Variants in DOCK2 observed in about 807,000 individuals in gnomAD.
DOCK2 encodes dedicator of cytokinesis 2.
DOCK2 carries 87 observed loss-of-function variants against 248.9 expected under a neutral mutation model. That is an observed-to-expected ratio of 0.35 (90% CI 0.29 to 0.42). The LOEUF is 0.42. DOCK2 is among the 10% of genes least tolerant of loss of function. DOCK2 has a pLI of 1.00. For missense variants in DOCK2, 1,747 were observed against 2,300.2 expected, an observed-to-expected ratio of 0.76 and a Z score of 4.92; for synonymous variants, 805 against 821.6, an observed-to-expected ratio of 0.98 and a Z score of 0.35.
chr5:169,810,374 G>A (rs144878592), intron 26 of DOCK2, among the ~76,000 whole-genome samples: 38 of 152,270 alleles, frequency 2.5e-4, no homozygotes, highest in African/African-American at 8.7e-4. Flanking sequence ...ATATGCGTGT[G>A]CATTTTGTCA....
At chr5:169,818,427 A>G (rs942771192) in intron 26 of DOCK2, among the ~76,000 whole-genome samples, 4 of 152,242 alleles carry the variant, frequency 2.6e-5, no homozygotes, top group Non-Finnish European at 4.4e-5. Context: ...CTTTGGAGAC[A>G]CATAGGCATG....
At chr5:169,648,171 T>C (rs933234684) in intron 1 of DOCK2, among the ~76,000 whole-genome samples, 3 of 152,180 alleles carry the variant, frequency 2.0e-5, no homozygotes, top group Admixed American at 2.0e-4. Context: ...ACCTTGTCAC[T>C]ATTGACATTG....
At chr5:169,686,498 G>T (rs979066702) in intron 8 of DOCK2, among the ~76,000 whole-genome samples, 1 of 152,184 alleles carries the variant, frequency 6.6e-6, no homozygotes, top group Admixed American at 6.5e-5. Context: ...GGAGGACAAA[G>T]GGGGCAGAAA....
At chr5:169,867,928 C>T (rs560366641) in intron 27 of DOCK2, among the ~76,000 whole-genome samples, 12 of 152,268 alleles carry the variant, frequency 7.9e-5, no homozygotes, top group African/African-American at 2.6e-4. Context: ...CTCTGATTCT[C>T]GCCCCTCTAG....
rs539873122 is a variant in DOCK2, at chr5:169,958,199, A to C, written c.2800-24869A>C. 5.4e-5 allele frequency among the ~76,000 whole-genome samples: 8 copies of C among 147,968 alleles called. No individual in the cohort carries two copies. The South Asian group carries it at 1.6e-3, about 29-fold the overall frequency. On this transcript the variant is annotated intron_variant, in intron 27 of 51. Transcript: ENST00000520908. Reference sequence around the variant, plus strand: ...GAGAAATGAGGGCCTGGCTAAATGGAACACAGATAATCTGGAAACTTTGTT... The same window carrying C: ...GAGAAATGAGGGCCTGGCTAAATGGCACACAGATAATCTGGAAACTTTGTT...
chr5:169,883,449 G>A (rs769641944), intron 27 of DOCK2: 66 of 1,551,578 alleles, frequency 4.3e-5, no homozygotes, highest in Non-Finnish European at 5.6e-5. Context: ...CCAACCTTAA[G>A]TAGGCAAGGT....
chr5:169,690,183 C>T (rs1760210001), intron 9 of DOCK2, among the ~76,000 whole-genome samples: 2 of 151,826 alleles, frequency 1.3e-5, no homozygotes, highest in Admixed American at 6.6e-5. Flanking sequence ...GCTGGAATTA[C>T]AGGTGTGAGC....
intron 27 of DOCK2, among the ~76,000 whole-genome samples, chr5:169,844,435 G>T (rs936391556): frequency 3.3e-5 from 5 of 152,198 alleles, no homozygotes; most frequent in African/African-American, 1.2e-4. Context: ...GGATGTTCAG[G>T]TTATCAGGGA....
chr5:169,690,052 A>ATTTT (rs530581976), intron 9 of DOCK2, among the ~76,000 whole-genome samples: 5 of 134,964 alleles, frequency 3.7e-5, no homozygotes, highest in African/African-American at 1.1e-4. Flanking sequence ...GAAGAGTGTG[A>ATTTT]TTTTTTTTTT....
intron 27 of DOCK2, chr5:169,884,214 C>T (rs948335841): frequency 1.4e-5 from 3 of 216,242 alleles, no homozygotes; most frequent in African/African-American, 6.8e-5. Flanking sequence ...GGCGGTTTAT[C>T]AAGGGAGGCT....
At chr5:169,778,956 G>T (rs1206065678) in intron 25 of DOCK2, among the ~76,000 whole-genome samples, 1 of 152,116 alleles carries the variant, frequency 6.6e-6, no homozygotes, top group Non-Finnish European at 1.5e-5. Context: ...TCTGTGCCTG[G>T]CTTATTTCAG....
At chr5:169,806,938 T>C (rs1290772157) in intron 26 of DOCK2, among the ~76,000 whole-genome samples, 2 of 140,736 alleles carry the variant, frequency 1.4e-5, no homozygotes, top group African/African-American at 5.2e-5. Context: ...CACCCTTCAA[T>C]GCCCCACGTA....
At chr5:169,741,905 G>T (rs1478841608) in intron 22 of DOCK2, among the ~76,000 whole-genome samples, 1 of 148,696 alleles carries the variant, frequency 6.7e-6, no homozygotes, top group Non-Finnish European at 1.5e-5. Flanking sequence ...TGCCTCCCGG[G>T]TTCACGCCAT....
Position 170,045,896 on chromosome 5 carries a change from C to T in DOCK2, c.3957C>T (p.Ser1319=). ...EMEIFDYELL[S]QNLIQQAKFY... is the part of the protein sequence containing the mutation. ...AGATCTTTGACTATGAGCTGCTCAG[C>T]CAGAACCTGGTAAGGCATCCCCTGG... Residue 1319 remains serine (S), a synonymous_variant, in exon 39 of 52, where the codon AGC becomes AGT. Coordinates refer to ENST00000520908, the MANE Select transcript of DOCK2 (RefSeq NM_004946.3). The T allele has an allele frequency of 6.2e-7, 1 of 1,614,136 alleles. No individual in the cohort carries two copies. The highest frequency in any genetic ancestry group is 1.3e-5 in the African/African-American group (1 of 75,046).
chr5:169,812,145 C>T (rs922683386), intron 26 of DOCK2, among the ~76,000 whole-genome samples: 3 of 152,182 alleles, frequency 2.0e-5, no homozygotes, highest in Non-Finnish European at 4.4e-5. Context: ...AGCTGGAGAG[C>T]GAGTAAAACT....
At chr5:169,944,989 CAA>C (rs913251314) in intron 27 of DOCK2, among the ~76,000 whole-genome samples, 22 of 152,220 alleles carry the variant, frequency 1.4e-4, no homozygotes, top group African/African-American at 4.1e-4. Context: ...GAATGGCTGG[CAA>C]ATACCTCTAG....
intron 27 of DOCK2, among the ~76,000 whole-genome samples, chr5:169,924,156 A>T (rs1191114916): frequency 6.6e-6 from 1 of 152,162 alleles, no homozygotes; most frequent in Non-Finnish European, 1.5e-5. Context: ...CTCCCTGCAC[A>T]GTGCCTGGAA....
At position 170,081,770 on chromosome 5, in the gene DOCK2, CT is replaced by C. The variant is rs1561913117; in HGVS notation, c.5288-71del. The C allele has an allele frequency of 2.9e-6, 4 of 1,370,220 alleles. No homozygotes were observed. In the African/African-American group the frequency reaches 4.4e-5, roughly 15 times the overall value. 84.9% of individuals were successfully genotyped at this position (1,370,220 alleles called of 1,614,324 possible). ...CTGGCTCTGTCCCCCAGCCCTCCCC[CT>C]GTCTACCTCCCCCAAGGCACTGCCC... is the stretch of plus-strand genomic sequence containing the variant. On this transcript the variant is annotated intron_variant, in intron 50 of 51. Coordinates refer to ENST00000520908, the MANE Select transcript of DOCK2 (RefSeq NM_004946.3).
rs4867882 is a variant in DOCK2 at position 169,722,722 on chromosome 5, T to C, written c.2267+3931T>C. 3.4e-3 allele frequency among the ~76,000 whole-genome samples: 515 copies of C among 152,344 alleles called. 26 individuals carry two copies. The East Asian group carries it at 0.081, about 24-fold the overall frequency. On this transcript the variant is annotated intron_variant, in intron 22 of 51. Coordinates refer to ENST00000520908, the MANE Select transcript of DOCK2 (RefSeq NM_004946.3). ...TTTCATAAATTTAATAAATGTTAGCTGGTATCATGTTTTCACTTAGGAGAA... is the reference window on the plus strand; with the variant it reads ...TTTCATAAATTTAATAAATGTTAGCCGGTATCATGTTTTCACTTAGGAGAA...
Sources: allele counts gnomAD v4.1 joint callset (sites outside exome capture counted in the v4.1 genomes callset), GRCh38; gene constraint gnomAD v4.1.1; transcripts MANE v1.5; gene names NCBI Gene and HGNC (gene_info 2026-07-23, HGNC 2026-07-21).